The following SMAD9 variants were observed in gnomAD, a reference collection of about 807,000 sequenced individuals.
SMAD9 encodes MAD homolog 9.
SMAD9 carries 36 observed loss-of-function variants against 46.1 expected under a neutral mutation model. That is an observed-to-expected ratio of 0.78 (90% confidence interval 0.60 to 1.03). The LOEUF is 1.03. SMAD9 is among the 50% of genes least tolerant of loss of function. The pLI is 0.00. For synonymous variants in SMAD9, 245 were observed against 237.1 expected, an observed-to-expected ratio of 1.03 and a Z score of -0.31; for missense variants, 572 against 599.8, an observed-to-expected ratio of 0.95 and a Z score of 0.48.
intron 6 of SMAD9, chr13:36,852,302 G>T (rs2058081198): frequency 1.0e-6 from 1 of 984,632 alleles, no homozygotes; most frequent in African/African-American, 1.7e-5. Flanking sequence ...AAGCCATGCT[G>T]ATTCCCTGGA....
intron 2 of SMAD9, among the ~76,000 whole-genome samples, chr13:36,877,139 G>A (rs2058352440): frequency 6.6e-6 from 1 of 152,116 alleles, no homozygotes; most frequent in Non-Finnish European, 1.5e-5. Context: ...CGAGGCAGGT[G>A]GATCATGAGG....
At chr13:36,850,581 G>T (rs2058066518) in intron 6 of SMAD9, among the ~76,000 whole-genome samples, 1 of 151,880 alleles carries the variant, frequency 6.6e-6, no homozygotes, top group African/African-American at 2.4e-5. Context: ...GTTTTGCCAT[G>T]TTGGCCAGGC....
intron 1 of SMAD9, among the ~76,000 whole-genome samples, chr13:36,911,536 T>A (rs1330238652): frequency 6.6e-6 from 1 of 151,554 alleles, no homozygotes; most frequent in East Asian, 1.9e-4. Context: ...ATATATATAT[T>A]TTTAATGATG....
intron 3 of SMAD9, among the ~76,000 whole-genome samples, chr13:36,870,072 TC>T (rs1175450706): frequency 6.6e-6 from 1 of 152,164 alleles, no homozygotes; most frequent in Non-Finnish European, 1.5e-5. Context: ...TGTTAATCAT[TC>T]AGACAAGAAT....
intron 1 of SMAD9, among the ~76,000 whole-genome samples, chr13:36,902,541 C>A (rs1271377441): frequency 6.6e-6 from 1 of 151,944 alleles, no homozygotes; most frequent in African/African-American, 2.4e-5. Flanking sequence ...GCAACCTCTG[C>A]CTCCCGGGTT....
At position 36,905,774 on chromosome 13, in the gene SMAD9, C is replaced by CAAAAAAAA. The variant is rs60358673; in HGVS notation, c.-187+14334_-187+14341dup. ...TAGATAAAAGGGCAAGACCCTGTCTCAAAAAAAAAAAAAAAAAAAAAAAAA... is the reference window on the plus strand; with the variant it reads ...TAGATAAAAGGGCAAGACCCTGTCTCAAAAAAAAAAAAAAAAAAAAAAAAAAAAAAAAA... On this transcript the variant is annotated intron_variant, in intron 1 of 6. Coordinates refer to ENST00000379826, the MANE Select transcript of SMAD9 (RefSeq NM_001127217.3). Among the ~76,000 whole-genome samples the CAAAAAAAA allele has an allele frequency of 5.3e-4, 35 of 66,454 alleles. 1 individual carries two copies. Among genetic ancestry groups the CAAAAAAAA allele is most frequent in the South Asian group, 1.2e-3 (2 of 1,628 alleles). The allele number at this position is 66,454 out of a possible 152,430, so 43.6% of individuals were successfully genotyped here.
chr13:36,886,172 T>C (rs560333586), intron 1 of SMAD9, among the ~76,000 whole-genome samples: 2 of 152,344 alleles, frequency 1.3e-5, no homozygotes, highest in South Asian at 4.1e-4. Context: ...TTAAGTATCT[T>C]GTAAAGGTCA....
chr13:36,886,017 T>C (rs2058441971), intron 1 of SMAD9, among the ~76,000 whole-genome samples: 1 of 151,958 alleles, frequency 6.6e-6, no homozygotes, highest in African/African-American at 2.4e-5. Flanking sequence ...AAGAAGAACG[T>C]AGAGGGGAGA....
intron 6 of SMAD9, chr13:36,852,405 C>A (rs2058082008): frequency 5.1e-6 from 5 of 985,138 alleles, no homozygotes; most frequent in Non-Finnish European, 6.0e-6. Flanking sequence ...GAGTACTTTG[C>A]AACAGACAAA....
rs867866494 is a variant in SMAD9, at chr13:36,882,648, G to A, written c.-186-2773C>T. ...GAGTTAAACTTAGAACTTCAAGAGTGATAAACACCCAATTCATAACAGTGG... is the reference window on the plus strand; with the variant it reads ...GAGTTAAACTTAGAACTTCAAGAGTAATAAACACCCAATTCATAACAGTGG... On this transcript the variant is annotated intron_variant, in intron 1 of 6. Coordinates refer to ENST00000379826, the MANE Select transcript of SMAD9 (RefSeq NM_001127217.3). 3.2e-4 allele frequency among the ~76,000 whole-genome samples: 48 copies of A among 152,306 alleles called. No homozygotes were observed. In the Middle Eastern group the frequency reaches 0.02, roughly 65 times the overall value.
In SMAD9 at chr13:36,848,332, T is replaced by C; in HGVS notation, c.*344A>G. 3.4e-6 allele frequency: 1 copy of C among 294,864 alleles called. No homozygotes were observed. Among genetic ancestry groups the C allele is most frequent in the Non-Finnish European group, 6.5e-6 (1 of 154,084 alleles). The allele number at this position is 294,864 out of a possible 1,614,324, so 18.3% of individuals were successfully genotyped here. A position where few individuals can be genotyped will look rare whatever the true frequency, so the allele number is the denominator to read the frequency against. Reference sequence around the variant, plus strand: ...TGTATAAACAGTTTCAATGTTTCTGTGAGGCCACACAACATGCTTTATAAT... The same window carrying C: ...TGTATAAACAGTTTCAATGTTTCTGCGAGGCCACACAACATGCTTTATAAT... On this transcript the variant is annotated 3_prime_UTR_variant, in exon 7 of 7. Coordinates refer to ENST00000379826, the MANE Select transcript of SMAD9 (RefSeq NM_001127217.3).
chr13:36,918,431 G>A (rs946162382), intron 1 of SMAD9, among the ~76,000 whole-genome samples: 15 of 152,332 alleles, frequency 9.8e-5, no homozygotes, highest in African/African-American at 3.4e-4. Context: ...AGTTGGTTGT[G>A]TCAGAATACA....
At chr13:36,918,377 T>A (rs1037493169) in intron 1 of SMAD9, among the ~76,000 whole-genome samples, 5 of 152,162 alleles carry the variant, frequency 3.3e-5, no homozygotes, top group Non-Finnish European at 7.4e-5. Context: ...AGCTCAAGCA[T>A]AAAACAGCTC....
At chr13:36,887,153 A>G (rs1186664595) in intron 1 of SMAD9, among the ~76,000 whole-genome samples, 1 of 140,038 alleles carries the variant, frequency 7.1e-6, no homozygotes, top group East Asian at 2.2e-4. Context: ...TATAGGCATG[A>G]GCCACCATGT....
chr13:36,894,692 C>A (rs914919172), intron 1 of SMAD9, among the ~76,000 whole-genome samples: 2 of 152,230 alleles, frequency 1.3e-5, no homozygotes, highest in South Asian at 4.1e-4. Context: ...TGGAGTCCTC[C>A]TGATCCCCTG....
At chr13:36,853,797 A>C in intron 5 of SMAD9, 122 bp from the exon 6 acceptor site, 2 of 957,482 alleles carry the variant, frequency 2.1e-6, no homozygotes, top group Non-Finnish European at 3.3e-6. Flanking sequence ...TGATCAGATG[A>C]ATGAGATGTG....
At chr13:36,864,670 A>C (rs903959574) in intron 5 of SMAD9, among the ~76,000 whole-genome samples, 1 of 152,218 alleles carries the variant, frequency 6.6e-6, no homozygotes. Context: ...CTGTTTCTAA[A>C]CAATGGCTTT....
At chr13:36,889,013 C>A (rs2058469796) in intron 1 of SMAD9, among the ~76,000 whole-genome samples, 1 of 152,078 alleles carries the variant, frequency 6.6e-6, no homozygotes, top group African/African-American at 2.4e-5. Flanking sequence ...CCTCCCAAGT[C>A]AGAAAAATCA....
intron 5 of SMAD9, among the ~76,000 whole-genome samples, chr13:36,863,227 C>T (rs1015396316): frequency 1.3e-5 from 2 of 152,120 alleles, no homozygotes; most frequent in African/African-American, 4.8e-5. Flanking sequence ...ACTGCCCTTG[C>T]TTTAAAATCT....
Sources: gnomAD v4.1 joint callset for allele counts (sites outside exome capture counted in the v4.1 genomes callset) on GRCh38, gnomAD v4.1.1 for gene constraint, MANE v1.5 for transcripts, NCBI Gene and HGNC (gene_info 2026-07-23, HGNC 2026-07-21) for gene names.